TTN: variants seen among roughly 807,000 people sequenced by gnomAD.
TTN encodes connectin.
Under a neutral mutation model 3,223.0 loss-of-function variants are expected in TTN, and 1,525 were observed. That is an observed-to-expected ratio of 0.47 (90% CI 0.45 to 0.49). TTN has a LOEUF of 0.49. TTN is among the 20% of genes least tolerant of loss of function. The pLI, the probability that TTN is intolerant of heterozygous loss-of-function variation, is 0.00. For missense variants in TTN, 40,786 were observed against 43,424.0 expected, an observed-to-expected ratio of 0.94 and a Z score of 5.40; for synonymous variants, 14,094 against 15,161.0, an observed-to-expected ratio of 0.93 and a Z score of 5.17.
At chr2:178,795,594 CCTCTGTATTCCAAATTCAT>C (rs2093726208) in intron 6 of TTN, among the ~76,000 whole-genome samples, 1 of 151,946 alleles carries the variant, frequency 6.6e-6, no homozygotes, top group Non-Finnish European at 1.5e-5. Flanking sequence ...AATCCAGCAA[CCTCTGTATTCCAAATTCAT>C]CTCTGTATTC....
In TTN at chr2:178,562,202, C is replaced by G. The variant is rs1703931873; in HGVS notation, c.83930G>C (p.Arg27977Thr). ...TGGCACATCAATCTTAAGTTGTTCT[C>G]TAGCCTTTACATTGAAAGTATGGAA... ...LPFHTFNVKA[R>T]EQLKIDVPFK... The change falls in exon 326 of 363, where the codon AGA becomes ACA. Residue 27977 changes from arginine to threonine, a missense_variant. Transcript: ENST00000589042. The G allele has an allele frequency of 6.2e-7, 1 of 1,612,578 alleles. No individual in the cohort carries two copies. Among genetic ancestry groups the G allele is most frequent in the South Asian group, 1.1e-5 (1 of 90,928 alleles).
chr2:178,756,677 G>T lies in TTN; in HGVS notation c.10799C>A (p.Ser3600Ter), dbSNP rs374300381. 1.4e-5 allele frequency: 22 copies of T among 1,613,664 alleles called. No homozygotes were observed. Among genetic ancestry groups the T allele is most frequent in the East Asian group, 8.9e-5 (4 of 44,846 alleles). ...ESKISQKEIK[S>*]FQGSSYEYEV... The stretch of plus-strand genomic sequence containing the variant: ...ATATTCATATGATGATCCTTGAAAT[G>T]ACTTAATTTCCTTTTGAGATATTTT... Residue 3600 changes from serine (S) to a stop codon, truncating the protein, a stop_gained, in exon 46 of 363, where the codon TCA (serine) becomes TAA (stop). Coordinates refer to ENST00000589042, the MANE Select transcript of TTN (RefSeq NM_001267550.2). LOFTEE classifies it high-confidence loss of function.
At chr2:178,702,390 A>AG in intron 107 of TTN, 64 bp downstream of exon 107, 2 of 1,608,500 alleles carry the variant, frequency 1.2e-6, no homozygotes, top group South Asian at 2.2e-5. Flanking sequence ...CATACAGGGT[A>AG]GAAATACAGA....
At chr2:178,792,975 C>T (rs1189110214) in intron 9 of TTN, among the ~76,000 whole-genome samples, 4 of 152,244 alleles carry the variant, frequency 2.6e-5, no homozygotes, top group African/African-American at 9.6e-5. Flanking sequence ...ACTTCAAACT[C>T]ATGTGCAAAT....
In TTN at chr2:178,624,725, G is replaced by A. The variant is rs1399522781; in HGVS notation, c.44555C>T (p.Pro14852Leu). 4.3e-6 allele frequency: 7 copies of A among 1,611,878 alleles called. No homozygotes were observed. The highest frequency in any genetic ancestry group is 1.3e-5 in the African/African-American group (1 of 74,754). The change falls in exon 242 of 363, where the codon CCA (proline) becomes CTA (leucine). Residue 14852 changes from proline (P) to leucine (L), a missense_variant. By Grantham distance (98) the Pro-to-Leu change is moderately conservative (BLOSUM62 -3). Coordinates refer to ENST00000589042, the MANE Select transcript of TTN (RefSeq NM_001267550.2). ...CTCAAGAGGCTTAGTGAATTCAACT[G>A]GGGGTTCTGAAAGAATCATACTCAT... ...THANLFVKEPPVEFTKPLEDQ... is the reference protein window; with the variant it reads ...THANLFVKEPLVEFTKPLEDQ...
intron 49 of TTN, 68 bp from the exon 50 acceptor site, chr2:178,736,142 CA>C: frequency 7.2e-7 from 1 of 1,389,590 alleles, no homozygotes; most frequent in Non-Finnish European, 9.7e-7. Context: ...TTATATATTC[CA>C]AGACAGAGAA....
chr2:178,745,931 A>G (rs1458204310), intron 47 of TTN: 6 of 1,609,020 alleles, frequency 3.7e-6, no homozygotes, highest in Non-Finnish European at 5.1e-6. Flanking sequence ...TTCTTCCATT[A>G]AACTGCTTAA....
At position 178,609,188 on chromosome 2, in the gene TTN, G is replaced by A. The variant is rs1576386511; in HGVS notation, c.52102+20C>T. 6.8e-7 allele frequency: 1 copy of A among 1,481,238 alleles called. No homozygotes were observed. The highest frequency in any genetic ancestry group is 8.9e-7 in the Non-Finnish European group (1 of 1,121,264). The allele number at this position is 1,481,238 out of a possible 1,614,324, so 91.8% of individuals were successfully genotyped here. A position where few individuals can be genotyped will look rare whatever the true frequency, so the allele number is the denominator to read the frequency against. Reference sequence around the variant, plus strand: ...TACTAAAACCTTTTTCCATTGGAAAGTGTAGTTTTAATGACTCACCTAACA... The same window carrying A: ...TACTAAAACCTTTTTCCATTGGAAAATGTAGTTTTAATGACTCACCTAACA... On this transcript the variant is annotated intron_variant, in intron 273 of 362. Coordinates refer to ENST00000589042, the MANE Select transcript of TTN (RefSeq NM_001267550.2).
chr2:178,717,983 A>G lies in TTN; in HGVS notation c.25023T>C (p.Ser8341=). 6.2e-7 allele frequency: 1 copy of G among 1,613,522 alleles called. No individual in the cohort carries two copies. The highest frequency in any genetic ancestry group is 8.5e-7 in the Non-Finnish European group (1 of 1,179,546). The change falls in exon 86 of 363, where the codon AGT becomes AGC. Residue 8341 remains serine, a synonymous_variant. Transcript: ENST00000589042. The part of the protein sequence containing the change: ...VGEYSCKADN[S]VGAVASSAVL... ...CAGCTGAAGAAGCGACTGCCCCCACACTGTTGTCTGCCTTGCATGAATACT... is the reference window on the plus strand; with the variant it reads ...CAGCTGAAGAAGCGACTGCCCCCACGCTGTTGTCTGCCTTGCATGAATACT...
At chr2:178,685,126 T>C in intron 129 of TTN, 127 bp downstream of exon 129, 1 of 1,144,760 alleles carries the variant, frequency 8.7e-7, no homozygotes, top group South Asian at 1.5e-5. Context: ...AATACGTTCA[T>C]ACATGTGTTC....
At position 178,627,293 on chromosome 2, in the gene TTN, C is replaced by T. The variant is rs193032613; in HGVS notation, c.44425-1897G>A. ...CAACTCATGTCTACAAGTTTCTCTTCATATTTCCTATTCCTACAGCTTGTT... is the reference window on the plus strand; with the variant it reads ...CAACTCATGTCTACAAGTTTCTCTTTATATTTCCTATTCCTACAGCTTGTT... On this transcript the variant is annotated intron_variant, in intron 240 of 362. Transcript: ENST00000589042. Among the ~76,000 whole-genome samples, 5 of 152,064 alleles carry T rather than the reference C, an allele frequency of 3.3e-5. No individual in the cohort carries two copies. In the East Asian group the frequency reaches 9.7e-4, roughly 30 times the overall value.
At chr2:178,605,811 T>C in intron 278 of TTN, 98 bp from the exon 279 acceptor site, 1 of 1,111,242 alleles carries the variant, frequency 9.0e-7, no homozygotes, top group Non-Finnish European at 1.2e-6. Flanking sequence ...AATAGCCTTC[T>C]GTTTGGCATA....
chr2:178,556,483 C>A (rs1701566620), intron 330 of TTN: 2 of 225,942 alleles, frequency 8.9e-6, no homozygotes, highest in South Asian at 7.8e-5. Flanking sequence ...AAAATGAAGT[C>A]TCTGTTTAGT....
In TTN at chr2:178,789,496, A is replaced by G. The variant is rs1169243136; in HGVS notation, c.1940T>C (p.Met647Thr). 6.2e-7 allele frequency: 1 copy of G among 1,613,184 alleles called. No homozygotes were observed. The highest frequency in any genetic ancestry group is 8.5e-7 in the Non-Finnish European group (1 of 1,179,400). Residue 647 changes from methionine (M) to threonine (T), a missense_variant and splice_region_variant, in exon 13 of 363, where the codon ATG becomes ACG. Coordinates refer to ENST00000589042, the MANE Select transcript of TTN (RefSeq NM_001267550.2). ...REQVQITQEKMRKEAEKTALS... is the reference protein window; with the variant it reads ...REQVQITQEKTRKEAEKTALS... Reference sequence around the variant, plus strand: ...GGCAGTTTTCTCGGCTTCCTTTCTCATCTGATTATTACAGTAAAATCAAGA... The same window carrying G: ...GGCAGTTTTCTCGGCTTCCTTTCTCGTCTGATTATTACAGTAAAATCAAGA...
chr2:178,645,822 C>A, intron 217 of TTN, 98 bp downstream of exon 217: 2 of 690,628 alleles, frequency 2.9e-6, no homozygotes, highest in South Asian at 2.4e-5. Flanking sequence ...TGAAAGTACA[C>A]ACTTCTAAAA....
At position 178,607,256 on chromosome 2, in the gene TTN, T is replaced by C. The variant is rs1434853063; in HGVS notation, c.53346A>G (p.Leu17782=). The stretch of plus-strand genomic sequence containing the variant: ...CATCTTCTGGATCAGACCAGTTAAG[T>C]AGACACATTTTTCTGTTTGTTACAA... The part of the protein sequence containing the change: ...KPVVTNRKMC[L]LNWSDPEDDG... The change falls in exon 278 of 363, where the codon CTA becomes CTG. Residue 17782 remains leucine, a synonymous_variant. Transcript: ENST00000589042. The C allele has an allele frequency of 4.3e-6, 7 of 1,612,738 alleles. No individual in the cohort carries two copies. The Admixed American group carries it at 5.0e-5, about 12-fold the overall frequency.
In TTN at chr2:178,749,350, G is replaced by A. The variant is rs1175601528; in HGVS notation, c.11311+3774C>T. 3 of 1,612,784 alleles carry A rather than the reference G, an allele frequency of 1.9e-6. No homozygotes were observed. In the South Asian group the frequency reaches 3.3e-5, roughly 18 times the overall value. ...CCTGACATTGTATGAATTCAGCCCT[G>A]ATGGGCTTGCTGATTTTTATGGTTC... On this transcript the variant is annotated intron_variant, in intron 47 of 362. Transcript: ENST00000589042.
chr2:178,670,995 G>T (rs2066864610), intron 156 of TTN, 95 bp downstream of exon 156: 2 of 867,924 alleles, frequency 2.3e-6, no homozygotes, highest in South Asian at 1.8e-5. Context: ...AAATACAGAA[G>T]AAAGACATCA....
rs1707054015 is a variant in TTN, at chr2:178,568,907, C to T, written c.77225G>A (p.Ser25742Asn). The change falls in exon 326 of 363, where the codon AGT becomes AAT. Residue 25742 changes from serine (S) to asparagine (N), a missense_variant. Coordinates refer to ENST00000589042, the MANE Select transcript of TTN (RefSeq NM_001267550.2). ...QYIVEMQAKHSEKWSECARVK... is the reference protein window; with the variant it reads ...QYIVEMQAKHNEKWSECARVK... ...TCGAGCACACTCTGACCATTTCTCACTGTGTTTAGCTTGCATTTCCACAAT... is the reference window on the plus strand; with the variant it reads ...TCGAGCACACTCTGACCATTTCTCATTGTGTTTAGCTTGCATTTCCACAAT... The T allele has an allele frequency of 6.2e-7, 1 of 1,613,202 alleles. No individual in the cohort carries two copies. The highest frequency in any genetic ancestry group is 1.3e-5 in the African/African-American group (1 of 74,892).
Sources: gnomAD v4.1 joint callset for allele counts (sites outside exome capture counted in the v4.1 genomes callset) on GRCh38, gnomAD v4.1.1 for gene constraint, MANE v1.5 for transcripts, NCBI Gene and HGNC (gene_info 2026-07-23, HGNC 2026-07-21) for gene names.